Variants in CDKL2 observed in about 807,000 individuals in gnomAD.
The protein encoded by CDKL2 is cyclin-dependent kinase-like 2.
In CDKL2, 64 loss-of-function variants were observed where a neutral mutation model predicts 63.9. The observed-to-expected ratio is 1.00, with a 90% CI of 0.82 to 1.23. The LOEUF (loss-of-function observed/expected upper bound fraction) is 1.23, where lower values mean the gene tolerates loss of function less well. Among genes scored for constraint, CDKL2 ranks in the 50% most tolerant of loss-of-function variants. CDKL2 has a pLI of 0.00. For missense variants in CDKL2, 656 were observed against 668.0 expected (o/e 0.98, Z 0.20); for synonymous variants, 211 against 229.2 (o/e 0.92, Z 0.72).
intron 12 of CDKL2, among the ~76,000 whole-genome samples, chr4:75,587,186 G>C (rs1728513712): frequency 6.6e-6 from 1 of 152,230 alleles, no homozygotes; most frequent in Admixed American, 6.5e-5. Context: ...GGGTGCAGTG[G>C]CTCACGCCTG....
At chr4:75,623,251 C>A (rs1183188472) in intron 2 of CDKL2, among the ~76,000 whole-genome samples, 1 of 152,110 alleles carries the variant, frequency 6.6e-6, no homozygotes, top group African/African-American at 2.4e-5. Context: ...TGCACTGCAG[C>A]CCGGGTGATA....
intron 5 of CDKL2, among the ~76,000 whole-genome samples, chr4:75,605,041 T>C (rs1729363455): frequency 6.6e-6 from 1 of 151,742 alleles, no homozygotes; most frequent in African/African-American, 2.4e-5. Context: ...AATGCCAGAC[T>C]GAAGGAAAAA....
chr4:75,618,239 CTTTTTTTTTTTTT>C (rs56002333), intron 2 of CDKL2, among the ~76,000 whole-genome samples: 14 of 52,946 alleles, frequency 2.6e-4, no homozygotes, highest in African/African-American at 9.3e-4. Context: ...ATTGAAAATT[CTTTTTTTTTTTTT>C]TTTTTTTTTT....
rs775146136 is a variant in CDKL2 at position 75,625,848 on chromosome 4, A to T, written c.141T>A (p.Ile47=). ...ESDDDKMVKK[I]AMREIKLLKQ... is the part of the protein sequence containing the mutation. ...TTAGTAACTTGATTTCTCGCATTGC[A>T]ATCTTTTTAACCATTTTGTCATCGT... The change falls in exon 2 of 14, where the codon ATT becomes ATA. Residue 47 remains isoleucine (I), a synonymous_variant. Transcript: ENST00000307465. 6.2e-7 allele frequency: 1 copy of T among 1,612,330 alleles called. No homozygotes were observed. Among genetic ancestry groups the T allele is most frequent in the African/African-American group, 1.3e-5 (1 of 75,012 alleles).
At position 75,607,380 on chromosome 4, in the gene CDKL2, G is replaced by C. The variant is rs775705155; in HGVS notation, c.364-19C>G. 1.3e-6 allele frequency: 2 copies of C among 1,587,188 alleles called. No homozygotes were observed. The highest frequency in any genetic ancestry group is 1.7e-6 in the Non-Finnish European group (2 of 1,160,254). On this transcript the variant is annotated intron_variant, in intron 3 of 13. Coordinates refer to ENST00000307465, the MANE Select transcript of CDKL2 (RefSeq NM_001330724.2). ...GTATGATCTAGACAAGAAGCAGAGT[G>C]TGACGGATGTTAAATAAAATTAATT...
rs1196780927 is a variant in CDKL2 at position 75,576,995 on chromosome 4, A to C, written c.*2207T>G. On this transcript the variant is annotated 3_prime_UTR_variant, in exon 14 of 14. Coordinates refer to ENST00000307465, the MANE Select transcript of CDKL2 (RefSeq NM_001330724.2). ...AATTAGCTTGCCATCCCTACATCCA[A>C]AGTTTTCCAGAAGAATTAACAGATT... Among the ~76,000 whole-genome samples, 1 of 152,132 alleles carries C rather than the reference A, an allele frequency of 6.6e-6. No individual in the cohort carries two copies. The highest frequency in any genetic ancestry group is 1.5e-5 in the Non-Finnish European group (1 of 68,000).
chr4:75,612,033 C>T (rs1352466188), intron 3 of CDKL2, among the ~76,000 whole-genome samples: 12 of 152,066 alleles, frequency 7.9e-5, no homozygotes, highest in East Asian at 1.9e-4. Flanking sequence ...GGCAGTGGCA[C>T]GATCTCAGCT....
At chr4:75,624,433 T>C (rs960833568) in intron 2 of CDKL2, among the ~76,000 whole-genome samples, 1 of 151,692 alleles carries the variant, frequency 6.6e-6, no homozygotes, top group Admixed American at 6.6e-5. Context: ...ACACCTGCAA[T>C]CCCAGCTACT....
At chr4:75,586,227 CTTTT>C (rs61087984) in intron 12 of CDKL2, among the ~76,000 whole-genome samples, 3 of 145,212 alleles carry the variant, frequency 2.1e-5, no homozygotes, top group Non-Finnish European at 3.0e-5. Context: ...ACTAACCTTT[CTTTT>C]TTTTTTTTTT....
intron 3 of CDKL2, among the ~76,000 whole-genome samples, chr4:75,608,451 G>T (rs1729529058): frequency 6.6e-6 from 1 of 151,986 alleles, no homozygotes; most frequent in Non-Finnish European, 1.5e-5. Flanking sequence ...TAGAGTATAG[G>T]TTGTGTGAAG....
intron 3 of CDKL2, among the ~76,000 whole-genome samples, 191 bp from the exon 4 acceptor site, chr4:75,607,552 C>A (rs949446406): frequency 1.3e-5 from 2 of 152,024 alleles, no homozygotes; most frequent in African/African-American, 2.4e-5. Flanking sequence ...TTTATTTAAA[C>A]AATCAAAAAC....
intron 4 of CDKL2, among the ~76,000 whole-genome samples, chr4:75,605,962 A>G (rs532305688): frequency 1.3e-5 from 2 of 152,336 alleles, no homozygotes; most frequent in South Asian, 4.1e-4. Flanking sequence ...AGCTTTCCAG[A>G]AACTTCAATC....
At chr4:75,590,387 T>C (rs1395354095) in intron 12 of CDKL2, among the ~76,000 whole-genome samples, 1 of 152,200 alleles carries the variant, frequency 6.6e-6, no homozygotes, top group Non-Finnish European at 1.5e-5. Flanking sequence ...ACAGTAACAC[T>C]ACTCCTTTGT....
intron 12 of CDKL2, among the ~76,000 whole-genome samples, chr4:75,584,386 T>C (rs1196435412): frequency 6.6e-6 from 1 of 152,116 alleles, no homozygotes; most frequent in African/African-American, 2.4e-5. Context: ...CCTACAACCA[T>C]ATGGAACTAA....
At position 75,629,953 on chromosome 4, in the gene CDKL2, A is replaced by G. The variant is rs1204627643; in HGVS notation, c.-30+89T>C. ...AACTCCGTCTCAAAAAAAAAAAAAA[A>G]AAAAAAAAAAAAAAAAAAAAAAAAA... On this transcript the variant is annotated intron_variant, in intron 1 of 13. Transcript: ENST00000307465. 280 of 54,852 alleles carry G rather than the reference A, an allele frequency of 5.1e-3. 1 individual carries two copies. Among genetic ancestry groups the G allele is most frequent in the African/African-American group, 0.032 (263 of 8,162 alleles). 3.4% of individuals were successfully genotyped at this position (54,852 alleles called of 1,614,324 possible). A position where few individuals can be genotyped will look rare whatever the true frequency, so the allele number is the denominator to read the frequency against.
chr4:75,623,545 A>C (rs1730265229), intron 2 of CDKL2, among the ~76,000 whole-genome samples: 2 of 152,232 alleles, frequency 1.3e-5, no homozygotes, highest in Non-Finnish European at 2.9e-5. Context: ...AGACTTTAAC[A>C]AATCCCTAGT....
chr4:75,614,960 C>CTA (rs1214170494), intron 2 of CDKL2, among the ~76,000 whole-genome samples: 81 of 107,672 alleles, frequency 7.5e-4, no homozygotes, highest in African/African-American at 4.0e-3. Flanking sequence ...TATATATACA[C>CTA]TATATATATA....
chr4:75,600,360 G>A lies in CDKL2; in HGVS notation c.805C>T (p.His269Tyr). Reference protein sequence around the residue: ...VVIDLAKKCLHIDPDKRPFCA... With the variant: ...VVIDLAKKCLYIDPDKRPFCA... The stretch of plus-strand genomic sequence containing the variant: ...AAGGGTCTTTTGTCGGGGTCAATAT[G>A]TAAGCATTTCTGAAAAATTAAGAAC... Residue 269 changes from histidine to tyrosine, a missense_variant, in exon 7 of 14, where the codon CAT becomes TAT. By Grantham distance (83) the His-to-Tyr change is moderately conservative (BLOSUM62 2). Coordinates refer to ENST00000307465, the MANE Select transcript of CDKL2 (RefSeq NM_001330724.2). 1.2e-6 allele frequency: 2 copies of A among 1,607,864 alleles called. No individual in the cohort carries two copies. Among genetic ancestry groups the A allele is most frequent in the Non-Finnish European group, 1.7e-6 (2 of 1,175,404 alleles).
At chr4:75,617,247 A>G (rs1285632982) in intron 2 of CDKL2, among the ~76,000 whole-genome samples, 2 of 152,134 alleles carry the variant, frequency 1.3e-5, no homozygotes, top group African/African-American at 4.8e-5. Context: ...TAAAACAGAC[A>G]TTTTACAATG....
Sources: gnomAD v4.1 joint callset for allele counts (sites outside exome capture counted in the v4.1 genomes callset) on GRCh38, gnomAD v4.1.1 for gene constraint, MANE v1.5 for transcripts, NCBI Gene and HGNC (gene_info 2026-07-23, HGNC 2026-07-21) for gene names.